Variants in LRRC37A2 observed in about 807,000 individuals in gnomAD.
The protein encoded by LRRC37A2 is leucine-rich repeat-containing protein 37A2.
LRRC37A2 carries 9 observed loss-of-function variants against 68.8 expected under a neutral mutation model. That is an observed-to-expected ratio of 0.13 (90% CI 0.08 to 0.23). The LOEUF (loss-of-function observed/expected upper bound fraction) is 0.23, where lower values mean the gene tolerates loss of function less well. Among genes scored for constraint, LRRC37A2 ranks in the 10% least tolerant of loss-of-function variants. The pLI is 1.00. For missense variants in LRRC37A2, 168 were observed against 950.4 expected, an observed-to-expected ratio of 0.18 and a Z score of 10.82; for synonymous variants, 63 against 367.6, an observed-to-expected ratio of 0.17 and a Z score of 9.48.
the LRRC37A2 span, chr17:46,963,908 C>T: frequency 3.3e-5 from 5 of 152,422 alleles, no homozygotes; most frequent in African/African-American, 9.6e-5. Context: ...TCTCGAACTC[C>T]TGGTCTCAAG....
At chr17:46,977,578 G>T in the LRRC37A2 span, among the ~76,000 whole-genome samples, 1 of 152,210 alleles carries the variant, frequency 6.6e-6, no homozygotes. Context: ...GTAATGGGAG[G>T]CTCCAAGTCC....
chr17:46,946,162 G>A, the LRRC37A2 span, among the ~76,000 whole-genome samples: 4 of 151,996 alleles, frequency 2.6e-5, no homozygotes, highest in Non-Finnish European at 4.4e-5. Flanking sequence ...TAGGCTGGGC[G>A]CGGTGTCTCA....
the LRRC37A2 span, among the ~76,000 whole-genome samples, chr17:46,988,246 T>C: frequency 6.6e-6 from 1 of 152,212 alleles, no homozygotes; most frequent in African/African-American, 2.4e-5. Flanking sequence ...ACATATACTG[T>C]ATGATTCCAT....
chr17:46,568,785 C>CA, the LRRC37A2 span, among the ~76,000 whole-genome samples: 420 of 84,936 alleles, frequency 4.9e-3, 11 homozygotes, highest in African/African-American at 0.023. Context: ...ACCCTGTCTC[C>CA]AAAAAAAAAA....
chr17:46,503,579 TAAGA>T, the LRRC37A2 span, among the ~76,000 whole-genome samples: 1 of 128,260 alleles, frequency 7.8e-6, no homozygotes, highest in African/African-American at 3.1e-5. Flanking sequence ...GAAATAGACA[TAAGA>T]AAGAACTGGT....
At chr17:46,979,090 C>T in the LRRC37A2 span, 17 of 1,239,860 alleles carry the variant, frequency 1.4e-5, no homozygotes, top group East Asian at 4.6e-4. Flanking sequence ...AGGGACGCTC[C>T]GGACCCCTCG....
the LRRC37A2 span, among the ~76,000 whole-genome samples, chr17:46,437,824 A>C: frequency 1.0e-5 from 1 of 96,418 alleles, no homozygotes; most frequent in Non-Finnish European, 2.7e-5. Context: ...TATATTGCTA[A>C]TCCACACGTT....
the LRRC37A2 span, among the ~76,000 whole-genome samples, chr17:47,026,637 C>T: frequency 6.6e-6 from 1 of 152,042 alleles, no homozygotes; most frequent in African/African-American, 2.4e-5. Context: ...TTACACCATC[C>T]AGGTAAAGAG....
At chr17:46,965,570 G>C in the LRRC37A2 span, among the ~76,000 whole-genome samples, 2 of 152,210 alleles carry the variant, frequency 1.3e-5, no homozygotes, top group African/African-American at 4.8e-5. Context: ...GGAAATCCTC[G>C]TGGTTTCTGC....
chr17:46,826,618 T>C, the LRRC37A2 span, among the ~76,000 whole-genome samples: 12 of 152,296 alleles, frequency 7.9e-5, no homozygotes, highest in Middle Eastern at 3.4e-3. Flanking sequence ...ATCTAACCTC[T>C]CTGTACCTGC....
the LRRC37A2 span, among the ~76,000 whole-genome samples, chr17:46,995,593 G>A: frequency 1.3e-5 from 2 of 152,102 alleles, no homozygotes; most frequent in Admixed American, 1.3e-4. Flanking sequence ...GAAAGGCTGA[G>A]CTCCAGCAGC....
the LRRC37A2 span, chr17:47,018,571 A>C: frequency 1.4e-5 from 22 of 1,520,276 alleles, no homozygotes; most frequent in Admixed American, 6.7e-5. Flanking sequence ...GGGGGCCCAC[A>C]TCTGCTTCCA....
At chr17:46,874,045 G>A in the LRRC37A2 span, among the ~76,000 whole-genome samples, 1 of 151,702 alleles carries the variant, frequency 6.6e-6, no homozygotes, top group Non-Finnish European at 1.5e-5. Context: ...GCCCCTCCTA[G>A]GCCAGCTGCT....
chr17:46,721,328 T>C, the LRRC37A2 span, among the ~76,000 whole-genome samples: 1 of 152,182 alleles, frequency 6.6e-6, no homozygotes, highest in Non-Finnish European at 1.5e-5. Context: ...TTCCTTCCTT[T>C]AGAGTAGACT....
At chr17:46,839,462 G>T in the LRRC37A2 span, among the ~76,000 whole-genome samples, 5 of 152,222 alleles carry the variant, frequency 3.3e-5, no homozygotes, top group African/African-American at 1.2e-4. Flanking sequence ...AAGCTGTATG[G>T]CTGTGGCACA....
chr17:46,859,543 C>G, the LRRC37A2 span, among the ~76,000 whole-genome samples: 1 of 152,218 alleles, frequency 6.6e-6, no homozygotes, highest in South Asian at 2.1e-4. Flanking sequence ...ATTACAGTAG[C>G]TTTAAAAAAA....
chr17:46,501,363 T>G, the LRRC37A2 span, among the ~76,000 whole-genome samples: 1 of 151,080 alleles, frequency 6.6e-6, no homozygotes, highest in Non-Finnish European at 1.5e-5. Context: ...TTAGTAGAGA[T>G]AGAGTTTCAC....
the LRRC37A2 span, among the ~76,000 whole-genome samples, chr17:46,496,882 T>C: frequency 1.5e-5 from 2 of 136,584 alleles, no homozygotes; most frequent in African/African-American, 2.8e-5. Flanking sequence ...GCCATTGCAC[T>C]CTAGCCTGGG....
the LRRC37A2 span, among the ~76,000 whole-genome samples, chr17:46,810,239 C>G: frequency 2.0e-5 from 3 of 152,064 alleles, no homozygotes; most frequent in African/African-American, 7.2e-5. Context: ...AACTCCTGAC[C>G]TCAGGTGATC....
Sources: allele counts gnomAD v4.1 joint callset (sites outside exome capture counted in the v4.1 genomes callset), GRCh38; gene constraint gnomAD v4.1.1; transcripts MANE v1.5; gene names NCBI Gene and HGNC (gene_info 2026-07-23, HGNC 2026-07-21).